The following DSCAM variants were observed in gnomAD, a reference collection of about 807,000 sequenced individuals.
The protein encoded by DSCAM is cell adhesion molecule DSCAM.
In DSCAM, 47 loss-of-function variants were observed where a neutral mutation model predicts 217.7. That is an observed-to-expected ratio of 0.22 (90% CI 0.17 to 0.28). The LOEUF (loss-of-function observed/expected upper bound fraction) is 0.28. Ranked by LOEUF, DSCAM falls within the 10% of genes least tolerant of loss-of-function variation. The probability of loss-of-function intolerance (pLI) is 1.00; values close to 1 mark genes in which losing one functional copy is unlikely to be tolerated. For missense variants in DSCAM, 2,080 were observed against 2,618.3 expected, an observed-to-expected ratio of 0.79 and a Z score of 4.49; for synonymous variants, 1,056 against 1,015.3, an observed-to-expected ratio of 1.04 and a Z score of -0.76.
chr21:40,701,830 T>G (rs1358498937), intron 2 of DSCAM, among the ~76,000 whole-genome samples: 1 of 152,170 alleles, frequency 6.6e-6, no homozygotes, highest in Non-Finnish European at 1.5e-5. Context: ...ATCTGAGATT[T>G]GTTTTGTTGC....
At chr21:40,559,314 C>G (rs906156437) in intron 3 of DSCAM, among the ~76,000 whole-genome samples, 1 of 152,024 alleles carries the variant, frequency 6.6e-6, no homozygotes, top group Admixed American at 6.6e-5. Flanking sequence ...AAAAATTAGC[C>G]GGGCGCGGTG....
At chr21:40,387,134 G>A (rs1009644123) in intron 3 of DSCAM, among the ~76,000 whole-genome samples, 1 of 152,146 alleles carries the variant, frequency 6.6e-6, no homozygotes, top group African/African-American at 2.4e-5. Context: ...TGAACAGCAG[G>A]TTTCTCAGGT....
intron 1 of DSCAM, among the ~76,000 whole-genome samples, chr21:40,772,079 G>C (rs971678669): frequency 1.3e-5 from 2 of 151,914 alleles, no homozygotes; most frequent in Non-Finnish European, 2.9e-5. Context: ...TCATAATAAG[G>C]GCTGATAAAA....
At chr21:40,307,646 A>C (rs1448478723) in intron 9 of DSCAM, among the ~76,000 whole-genome samples, 1 of 151,790 alleles carries the variant, frequency 6.6e-6, no homozygotes, top group Non-Finnish European at 1.5e-5. Flanking sequence ...ATGTTTATTG[A>C]GGCACTATTC....
chr21:40,118,230 G>A (rs1207602117), intron 20 of DSCAM, among the ~76,000 whole-genome samples: 1 of 152,216 alleles, frequency 6.6e-6, no homozygotes, highest in African/African-American at 2.4e-5. Flanking sequence ...CAGACTGGGA[G>A]TTGAGCCTGG....
At chr21:40,310,282 G>T (rs941372901) in intron 9 of DSCAM, among the ~76,000 whole-genome samples, 1 of 152,012 alleles carries the variant, frequency 6.6e-6, no homozygotes, top group Non-Finnish European at 1.5e-5. Flanking sequence ...TGTAGATTGG[G>T]ACCAAAAAAT....
At chr21:40,453,040 T>TTGTGTGTGTGTGTGTG (rs3069917) in intron 3 of DSCAM, among the ~76,000 whole-genome samples, 34 of 134,420 alleles carry the variant, frequency 2.5e-4, no homozygotes, top group Middle Eastern at 3.8e-3. Context: ...TTTAAAGACT[T>TTGTGTGTGTGTGTGTG]TGTGTGTGTG....
chr21:40,569,410 C>G (rs1036006014), intron 3 of DSCAM, among the ~76,000 whole-genome samples: 2 of 152,122 alleles, frequency 1.3e-5, no homozygotes, highest in East Asian at 3.9e-4. Flanking sequence ...TGTCTTTGAT[C>G]GTTTACGTGG....
Position 40,141,790 on chromosome 21 carries a change from G to T in DSCAM, c.3406+768C>A, listed in dbSNP as rs987610301. Among the ~76,000 whole-genome samples, 11 of 152,084 alleles carry T rather than the reference G, an allele frequency of 7.2e-5. 1 individual carries two copies. The highest frequency in any genetic ancestry group is 2.9e-5 in the Non-Finnish European group (2 of 68,010). ...CTTTCCTGCTGGGGGCTGCAGCCTCGCTCTGCCCCAGCACACTCACGCAGC... is the reference window on the plus strand; with the variant it reads ...CTTTCCTGCTGGGGGCTGCAGCCTCTCTCTGCCCCAGCACACTCACGCAGC... On this transcript the variant is annotated intron_variant, in intron 18 of 32. Transcript: ENST00000400454.
intron 6 of DSCAM, among the ~76,000 whole-genome samples, chr21:40,345,698 A>T (rs1401856606): frequency 6.6e-6 from 1 of 152,056 alleles, no homozygotes; most frequent in African/African-American, 2.4e-5. Context: ...CAGTGAGAAT[A>T]ATGGGAGTGT....
intron 3 of DSCAM, among the ~76,000 whole-genome samples, chr21:40,528,567 CTG>C (rs2076418195): frequency 6.6e-6 from 1 of 152,194 alleles, no homozygotes. Context: ...ATCGTCATGT[CTG>C]TGACATTTGC....
intron 3 of DSCAM, among the ~76,000 whole-genome samples, chr21:40,442,325 C>T (rs939433749): frequency 1.3e-5 from 2 of 151,874 alleles, no homozygotes; most frequent in African/African-American, 2.4e-5. Flanking sequence ...CAGTATCCAT[C>T]TTAGCATGGT....
chr21:40,706,997 C>G (rs1346269751), intron 2 of DSCAM, among the ~76,000 whole-genome samples: 1 of 152,138 alleles, frequency 6.6e-6, no homozygotes, highest in Non-Finnish European at 1.5e-5. Context: ...AGACGCCAGA[C>G]AAGATGATGC....
intron 4 of DSCAM, 144 bp downstream of exon 4, chr21:40,368,953 AAG>A: frequency 3.4e-6 from 3 of 891,490 alleles, no homozygotes; most frequent in Non-Finnish European, 4.7e-6. Flanking sequence ...ATTCATTTAA[AAG>A]AGTTTTAAAA....
intron 3 of DSCAM, among the ~76,000 whole-genome samples, chr21:40,396,390 G>C (rs1176263748): frequency 6.6e-6 from 1 of 152,256 alleles, no homozygotes; most frequent in South Asian, 2.1e-4. Context: ...TTTAGGGCTC[G>C]TTAATATCTA....
At chr21:40,646,886 A>T (rs1383726470) in intron 3 of DSCAM, among the ~76,000 whole-genome samples, 1 of 152,220 alleles carries the variant, frequency 6.6e-6, no homozygotes, top group Non-Finnish European at 1.5e-5. Flanking sequence ...TTGCACACAC[A>T]GCTCGGGACC....
chr21:40,400,183 G>C (rs1359003435), intron 3 of DSCAM, among the ~76,000 whole-genome samples: 2 of 152,006 alleles, frequency 1.3e-5, no homozygotes, highest in East Asian at 3.9e-4. Flanking sequence ...TTCATTATGT[G>C]ATTTGTAGCT....
chr21:40,264,770 G>A (rs1245127610), intron 11 of DSCAM, among the ~76,000 whole-genome samples: 2 of 152,156 alleles, frequency 1.3e-5, no homozygotes, highest in East Asian at 3.9e-4. Flanking sequence ...AACTACCTCT[G>A]TTAGAAAACC....
At chr21:40,259,742 C>T (rs1240933514) in intron 11 of DSCAM, among the ~76,000 whole-genome samples, 3 of 126,228 alleles carry the variant, frequency 2.4e-5, no homozygotes, top group African/African-American at 2.9e-5. Context: ...GGCGAAGTCT[C>T]GGCTCACTGT....
Sources: gnomAD v4.1 joint callset for allele counts (sites outside exome capture counted in the v4.1 genomes callset) on GRCh38, gnomAD v4.1.1 for gene constraint, MANE v1.5 for transcripts, NCBI Gene and HGNC (gene_info 2026-07-23, HGNC 2026-07-21) for gene names.